Variants in DOP1A observed in about 807,000 individuals in gnomAD.
The protein encoded by DOP1A is protein DOP1A.
In DOP1A, 90 loss-of-function variants were observed where a neutral mutation model predicts 267.6. The observed-to-expected ratio is 0.34, with a 90% CI of 0.28 to 0.40. DOP1A has a LOEUF of 0.40. Ranked by LOEUF, DOP1A falls within the 10% of genes least tolerant of loss-of-function variation. The pLI, the probability that DOP1A is intolerant of heterozygous loss-of-function variation, is 1.00. For synonymous variants in DOP1A, 932 were observed against 999.1 expected, an observed-to-expected ratio of 0.93 and a Z score of 1.27; for missense variants, 2,437 against 2,900.4, an observed-to-expected ratio of 0.84 and a Z score of 3.67.
At chr6:83,145,043 C>T (rs1780284116) in intron 24 of DOP1A, among the ~76,000 whole-genome samples, 1 of 140,624 alleles carries the variant, frequency 7.1e-6, no homozygotes, top group Admixed American at 7.8e-5. Flanking sequence ...GTTGAGGCTG[C>T]AGTAAACTGT....
intron 6 of DOP1A, among the ~76,000 whole-genome samples, chr6:83,112,959 G>A (rs1193534901): frequency 6.6e-5 from 10 of 152,028 alleles, no homozygotes; most frequent in Non-Finnish European, 1.5e-4. Context: ...AAATACTTTG[G>A]CCATTAAGAA....
At chr6:83,100,263 A>T (rs1030390155) in intron 3 of DOP1A, among the ~76,000 whole-genome samples, 7 of 152,212 alleles carry the variant, frequency 4.6e-5, no homozygotes, top group Non-Finnish European at 1.0e-4. Context: ...TACTAGGACA[A>T]TGGTTGTACC....
chr6:83,074,872 A>C lies in DOP1A; in HGVS notation c.-147+7093A>C, dbSNP rs1007549308. ...GATTGCTTGAGCCCAGCAATGCTAA[A>C]TGAAATGTTGAATACATTTCAACTT... On this transcript the variant is annotated intron_variant, in intron 1 of 38. Coordinates refer to ENST00000349129, the MANE Select transcript of DOP1A (RefSeq NM_015018.4). Among the ~76,000 whole-genome samples the C allele has an allele frequency of 2.0e-5, 3 of 152,350 alleles. No homozygotes were observed. In the South Asian group the frequency reaches 6.2e-4, roughly 32 times the overall value.
intron 18 of DOP1A, among the ~76,000 whole-genome samples, chr6:83,132,687 C>T (rs1001680334): frequency 4.0e-5 from 6 of 151,786 alleles, no homozygotes; most frequent in Non-Finnish European, 7.4e-5. Context: ...GATTTATTAA[C>T]TAATATATAT....
intron 6 of DOP1A, among the ~76,000 whole-genome samples, chr6:83,112,662 A>G (rs2128185095): frequency 6.6e-6 from 1 of 152,272 alleles, no homozygotes; most frequent in South Asian, 2.1e-4. Context: ...ACAGGGTTTC[A>G]CCATGTTGGC....
At chr6:83,071,973 G>A (rs2127966641) in intron 1 of DOP1A, among the ~76,000 whole-genome samples, 1 of 152,162 alleles carries the variant, frequency 6.6e-6, no homozygotes, top group South Asian at 2.1e-4. Flanking sequence ...GAGTAGATGA[G>A]GTAATAAAGT....
intron 4 of DOP1A, among the ~76,000 whole-genome samples, chr6:83,106,046 A>T (rs1399845518): frequency 2.0e-5 from 3 of 152,228 alleles, no homozygotes; most frequent in Admixed American, 6.5e-5. Flanking sequence ...TAACTATTTT[A>T]AAAACTAAAG....
At chr6:83,087,374 A>G (rs1157496517) in intron 1 of DOP1A, among the ~76,000 whole-genome samples, 1 of 152,122 alleles carries the variant, frequency 6.6e-6, no homozygotes, top group East Asian at 1.9e-4. Context: ...ACCTGATTGT[A>G]TGATTTTTTT....
At chr6:83,111,092 A>C (rs1408618354) in intron 6 of DOP1A, among the ~76,000 whole-genome samples, 1 of 152,002 alleles carries the variant, frequency 6.6e-6, no homozygotes, top group African/African-American at 2.4e-5. Context: ...TTTTTTCTAG[A>C]ATGTTAAATA....
At chr6:83,165,722 AG>A in intron 38 of DOP1A, 1 of 227,002 alleles carries the variant, frequency 4.4e-6, no homozygotes, top group Non-Finnish European at 9.4e-6. Context: ...ATGGCAGATG[AG>A]GCAAAACTTC....
intron 1 of DOP1A, among the ~76,000 whole-genome samples, chr6:83,077,670 T>G (rs1767335453): frequency 6.6e-6 from 1 of 152,032 alleles, no homozygotes; most frequent in Non-Finnish European, 1.5e-5. Flanking sequence ...AATGAGACCT[T>G]GTCTCAAAAA....
chr6:83,166,762 T>G (rs1476588947), intron 38 of DOP1A: 21 of 1,098,136 alleles, frequency 1.9e-5, no homozygotes, highest in Non-Finnish European at 2.2e-5. Context: ...AGCTGGATTT[T>G]GCATCTGCTT....
chr6:83,145,068 A>G (rs1780289739), intron 24 of DOP1A, among the ~76,000 whole-genome samples: 1 of 135,952 alleles, frequency 7.4e-6, no homozygotes, highest in Non-Finnish European at 1.5e-5. Flanking sequence ...GAGCCACTGC[A>G]CTCCAGCCTT....
chr6:83,108,698 C>T (rs1774060125), intron 4 of DOP1A, among the ~76,000 whole-genome samples: 1 of 152,168 alleles, frequency 6.6e-6, no homozygotes, highest in Non-Finnish European at 1.5e-5. Flanking sequence ...CTTTGTGAAA[C>T]AGCTAGGTAG....
intron 6 of DOP1A, among the ~76,000 whole-genome samples, chr6:83,110,983 C>T (rs922604972): frequency 6.6e-5 from 10 of 152,246 alleles, no homozygotes; most frequent in Admixed American, 5.2e-4. Context: ...ATTTACATCA[C>T]CCTAAAAAGT....
At chr6:83,119,694 A>G (rs1776047664) in intron 8 of DOP1A, 54 bp from the exon 9 acceptor site, 3 of 1,498,118 alleles carry the variant, frequency 2.0e-6, no homozygotes, top group Middle Eastern at 1.7e-4. Context: ...TATTTAGTGA[A>G]CAACAGTTTT....
chr6:83,126,328 G>A (rs1777145405), intron 15 of DOP1A, among the ~76,000 whole-genome samples: 1 of 151,856 alleles, frequency 6.6e-6, no homozygotes, highest in Non-Finnish European at 1.5e-5. Flanking sequence ...TTCTCAATCT[G>A]GTCTGTGGAT....
At chr6:83,130,083 T>C in intron 16 of DOP1A, 40 bp from the exon 17 acceptor site, 1 of 1,590,476 alleles carries the variant, frequency 6.3e-7, no homozygotes, top group Non-Finnish European at 8.6e-7. Context: ...GTGAAATGTT[T>C]AGTATAATGA....
At chr6:83,091,202 C>T (rs1385702610) in intron 1 of DOP1A, among the ~76,000 whole-genome samples, 3 of 152,054 alleles carry the variant, frequency 2.0e-5, no homozygotes, top group African/African-American at 7.2e-5. Context: ...AAGACCTGCC[C>T]CCATGATCCA....
Sources: gnomAD v4.1 joint callset for allele counts (sites outside exome capture counted in the v4.1 genomes callset) on GRCh38, gnomAD v4.1.1 for gene constraint, MANE v1.5 for transcripts, NCBI Gene and HGNC (gene_info 2026-07-23, HGNC 2026-07-21) for gene names.